The following ATP2A2 variants were observed in gnomAD, a reference collection of about 807,000 sequenced individuals.
The protein encoded by ATP2A2 is ATPase sarcoplasmic/endoplasmic reticulum Ca2+ transporting 2.
Under a neutral mutation model 109.3 loss-of-function variants are expected in ATP2A2, and 14 were observed. The observed-to-expected ratio is 0.13, with a 90% confidence interval of 0.08 to 0.20. The LOEUF is 0.20. ATP2A2 is among the 10% of genes least tolerant of loss of function. ATP2A2 has a pLI of 1.00. For synonymous variants in ATP2A2, 506 were observed against 490.9 expected (o/e 1.03, Z -0.41); for missense variants, 657 against 1,321.6 (o/e 0.50, Z 7.80).
intron 11 of ATP2A2, among the ~76,000 whole-genome samples, chr12:110,334,586 C>CTTTTT (rs67776124): frequency 7.0e-5 from 8 of 114,494 alleles, no homozygotes; most frequent in East Asian, 2.5e-4. Flanking sequence ...TCAATTAAAC[C>CTTTTT]TTTTTTTTTT....
chr12:110,335,528 G>A (rs1878759330), intron 11 of ATP2A2, among the ~76,000 whole-genome samples: 1 of 152,168 alleles, frequency 6.6e-6, no homozygotes, highest in Admixed American at 6.5e-5. Context: ...AAAAAATTAA[G>A]GCCTGAAGTG....
At chr12:110,322,941 CAT>C (rs748725631) in intron 5 of ATP2A2, 49 bp from the exon 6 acceptor site, 3 of 1,261,906 alleles carry the variant, frequency 2.4e-6, no homozygotes, top group Non-Finnish European at 3.5e-6. Context: ...CTTTAGATAA[CAT>C]AGTTTTAAAA....
chr12:110,324,429 T>A (rs1877558987), intron 6 of ATP2A2, among the ~76,000 whole-genome samples: 1 of 152,142 alleles, frequency 6.6e-6, no homozygotes, highest in African/African-American at 2.4e-5. Flanking sequence ...AAAAAAAATT[T>A]TTTTTTTTTT....
At position 110,346,656 on chromosome 12, in the gene ATP2A2, A is replaced by G; in HGVS notation, c.*186A>G. 2 of 1,454,386 alleles carry G rather than the reference A, an allele frequency of 1.4e-6. No homozygotes were observed. Among genetic ancestry groups the G allele is most frequent in the Non-Finnish European group, 1.8e-6 (2 of 1,113,484 alleles). The allele number at this position is 1,454,386 out of a possible 1,614,324, so 90.1% of individuals were successfully genotyped here. Reference sequence around the variant, plus strand: ...CAAGATTTTCCTTTTTTATACACATAATTAAAGTGTCCATTGACATGTACA... The same window carrying G: ...CAAGATTTTCCTTTTTTATACACATGATTAAAGTGTCCATTGACATGTACA... On this transcript the variant is annotated 3_prime_UTR_variant, in exon 20 of 20. Coordinates refer to ENST00000539276, the MANE Select transcript of ATP2A2 (RefSeq NM_170665.4).
intron 18 of ATP2A2, 125 bp downstream of exon 18, chr12:110,345,507 C>T (rs1426336563): frequency 5.0e-6 from 7 of 1,394,094 alleles, no homozygotes; most frequent in Admixed American, 3.7e-5. Context: ...GAAAGGAGAA[C>T]AGGCAATACC....
chr12:110,330,178 T>A (rs1592848444), intron 8 of ATP2A2: 1 of 152,244 alleles, frequency 6.6e-6, no homozygotes, highest in East Asian at 1.9e-4. Context: ...TAATTATTTT[T>A]AACATCGGAA....
At chr12:110,345,915 G>A (rs1221240585) in intron 18 of ATP2A2, 86 bp from the exon 19 acceptor site, 6 of 1,327,490 alleles carry the variant, frequency 4.5e-6, no homozygotes, top group East Asian at 4.6e-5. Flanking sequence ...CCGCCTTACT[G>A]AAGTGTAGTC....
rs1030773265 is a variant in ATP2A2 at position 110,348,924 on chromosome 12, C to T, written c.*2454C>T. 5 of 985,346 alleles carry T rather than the reference C, an allele frequency of 5.1e-6. No homozygotes were observed. Among genetic ancestry groups the T allele is most frequent in the Admixed American group, 6.2e-5 (1 of 16,260 alleles). The allele number at this position is 985,346 out of a possible 1,614,324, so 61.0% of individuals were successfully genotyped here. On this transcript the variant is annotated 3_prime_UTR_variant, in exon 20 of 20. Coordinates refer to ENST00000539276, the MANE Select transcript of ATP2A2 (RefSeq NM_170665.4). The stretch of plus-strand genomic sequence containing the variant: ...ACTTGAGTGCTGCACTATTGCTATT[C>T]CGTGCAAACAAAACTCAGCTTTTCC...
At position 110,347,711 on chromosome 12, in the gene ATP2A2, G is replaced by C; in HGVS notation, c.*1241G>C. On this transcript the variant is annotated 3_prime_UTR_variant, in exon 20 of 20. Transcript: ENST00000539276. ...CAATGTTTGCGCATGTTCGAGATGA[G>C]TCTCACCAACAGTGTGTAAGTCATT... is the stretch of plus-strand genomic sequence containing the variant. 1 of 1,164,722 alleles carries C rather than the reference G, an allele frequency of 8.6e-7. No individual in the cohort carries two copies. Among genetic ancestry groups the C allele is most frequent in the South Asian group, 1.7e-5 (1 of 57,440 alleles). 72.1% of individuals were successfully genotyped at this position (1,164,722 alleles called of 1,614,324 possible). A position where few individuals can be genotyped will look rare whatever the true frequency, so the allele number is the denominator to read the frequency against.
In ATP2A2 at chr12:110,326,491, A is replaced by G. The variant is rs1390161830; in HGVS notation, c.630+16A>G. ...GCTGTTTTCTGTAAGTACTTTATGA[A>G]ATGTGTTTTTATTTACAGACATTTC... On this transcript the variant is annotated intron_variant, in intron 7 of 19. Coordinates refer to ENST00000539276, the MANE Select transcript of ATP2A2 (RefSeq NM_170665.4). 6.3e-7 allele frequency: 1 copy of G among 1,596,306 alleles called. No individual in the cohort carries two copies. The highest frequency in any genetic ancestry group is 1.1e-5 in the South Asian group (1 of 89,950).
chr12:110,296,270 C>T, intron 4 of ATP2A2: 1 of 355,152 alleles, frequency 2.8e-6, no homozygotes, highest in Non-Finnish European at 5.4e-6. Context: ...TACTGCCTCT[C>T]ATGAGACAGA....
intron 4 of ATP2A2, 115 bp downstream of exon 4, chr12:110,292,239 G>A: frequency 1.2e-6 from 1 of 820,774 alleles, no homozygotes; most frequent in South Asian, 1.4e-5. Flanking sequence ...TATGTTTGCG[G>A]GAAGTTTACA....
intron 4 of ATP2A2, among the ~76,000 whole-genome samples, chr12:110,294,194 C>G (rs1488190212): frequency 6.6e-6 from 1 of 152,000 alleles, no homozygotes; most frequent in African/African-American, 2.4e-5. Context: ...CAGGTGCCCA[C>G]CACCACGCCC....
chr12:110,296,234 C>A, intron 4 of ATP2A2: 1 of 227,900 alleles, frequency 4.4e-6, no homozygotes, highest in Non-Finnish European at 8.8e-6. Context: ...TCTGCCTCAG[C>A]CTCCTGAGCC....
Position 110,332,585 on chromosome 12 carries a change from C to T in ATP2A2, c.1096-12C>T. The T allele has an allele frequency of 1.3e-6, 2 of 1,599,320 alleles. No individual in the cohort carries two copies. The highest frequency in any genetic ancestry group is 1.7e-6 in the Non-Finnish European group (2 of 1,166,464). Reference sequence around the variant, plus strand: ...TCCCTTTTAAATACTCTGATGCGCTCTCCCCCTACAGATGTTCATTCTGGA... The same window carrying T: ...TCCCTTTTAAATACTCTGATGCGCTTTCCCCCTACAGATGTTCATTCTGGA... On this transcript the variant is annotated splice_polypyrimidine_tract_variant and intron_variant, in intron 8 of 19. Transcript: ENST00000539276.
chr12:110,315,224 C>T (rs1876544750), intron 5 of ATP2A2, among the ~76,000 whole-genome samples: 1 of 152,060 alleles, frequency 6.6e-6, no homozygotes, highest in South Asian at 2.1e-4. Flanking sequence ...GGTGTTTGAC[C>T]TTTTAAACGT....
In ATP2A2 at chr12:110,347,107, G is replaced by C. The variant is rs191276447; in HGVS notation, c.*637G>C. 1 of 1,115,912 alleles carries C rather than the reference G, an allele frequency of 9.0e-7. No individual in the cohort carries two copies. The highest frequency in any genetic ancestry group is 1.1e-6 in the Non-Finnish European group (1 of 904,650). 69.1% of individuals were successfully genotyped at this position (1,115,912 alleles called of 1,614,324 possible). ...GTGATGGTTCGTTCTGTTTACATCA[G>C]TTTTAACGAGAGGTATGCCTGTACT... On this transcript the variant is annotated 3_prime_UTR_variant, in exon 20 of 20. Coordinates refer to ENST00000539276, the MANE Select transcript of ATP2A2 (RefSeq NM_170665.4).
intron 3 of ATP2A2, among the ~76,000 whole-genome samples, chr12:110,287,444 C>T (rs1410364786): frequency 1.3e-5 from 2 of 152,160 alleles, no homozygotes; most frequent in African/African-American, 4.8e-5. Context: ...TTGAATAATA[C>T]TGGCACATTT....
At chr12:110,298,835 A>G (rs1278863918) in intron 5 of ATP2A2, among the ~76,000 whole-genome samples, 5 of 152,236 alleles carry the variant, frequency 3.3e-5, no homozygotes, top group Non-Finnish European at 7.3e-5. Context: ...TGCAGGCATG[A>G]TGCCCCTTTA....
Sources: gnomAD v4.1 joint callset for allele counts (sites outside exome capture counted in the v4.1 genomes callset) on GRCh38, gnomAD v4.1.1 for gene constraint, MANE v1.5 for transcripts, NCBI Gene and HGNC (gene_info 2026-07-23, HGNC 2026-07-21) for gene names.